Variants in GPBP1 observed in about 807,000 individuals in gnomAD.
GPBP1 encodes the protein GC-rich promoter binding protein 1.
In GPBP1, 13 loss-of-function variants were observed where a neutral mutation model predicts 56.5. The ratio of observed to expected loss-of-function variants is 0.23; its 90% CI spans 0.15 to 0.37. GPBP1 has a LOEUF of 0.37. Among genes scored for constraint, GPBP1 ranks in the 10% least tolerant of loss-of-function variants. The pLI is 1.00. For synonymous variants in GPBP1, 204 were observed against 188.9 expected, an observed-to-expected ratio of 1.08 and a Z score of -0.66; for missense variants, 477 against 572.3, an observed-to-expected ratio of 0.83 and a Z score of 1.70.
chr5:57,242,087 G>A (rs188688393), intron 6 of GPBP1, among the ~76,000 whole-genome samples: 4 of 152,214 alleles, frequency 2.6e-5, no homozygotes, highest in African/African-American at 9.6e-5. Context: ...GGTTTATGTC[G>A]ATTATTCAGA....
rs552368087 is a variant in GPBP1 at position 57,252,137 on chromosome 5, C to T, written c.1160+996C>T. Among the ~76,000 whole-genome samples the T allele has an allele frequency of 2.7e-3, 362 of 136,298 alleles. 1 individual carries two copies. Among genetic ancestry groups the T allele is most frequent in the Non-Finnish European group, 4.6e-3 (292 of 63,152 alleles). The allele number at this position is 136,298 out of a possible 152,430, so 89.4% of individuals were successfully genotyped here. A position where few individuals can be genotyped will look rare whatever the true frequency, so the allele number is the denominator to read the frequency against. ...GCAATCACCTCCCACCCACCCCCACCCCCACCCCCACAGGCACCTTTTGAG... is the reference window on the plus strand; with the variant it reads ...GCAATCACCTCCCACCCACCCCCACTCCCACCCCCACAGGCACCTTTTGAG... On this transcript the variant is annotated intron_variant, in intron 10 of 11. Transcript: ENST00000506184.
chr5:57,228,529 G>A (rs1756295969), intron 3 of GPBP1, among the ~76,000 whole-genome samples: 2 of 151,810 alleles, frequency 1.3e-5, no homozygotes, highest in South Asian at 4.2e-4. Context: ...AGTCCCGGCT[G>A]CTCAGGAGGC....
intron 2 of GPBP1, among the ~76,000 whole-genome samples, chr5:57,180,624 C>T (rs1410450513): frequency 3.3e-5 from 5 of 152,088 alleles, no homozygotes; most frequent in Non-Finnish European, 7.3e-5. Context: ...TAGAAAAATG[C>T]CTGTGTGACT....
At chr5:57,241,574 A>T (rs1740828419) in intron 6 of GPBP1, among the ~76,000 whole-genome samples, 1 of 152,214 alleles carries the variant, frequency 6.6e-6, no homozygotes, top group Non-Finnish European at 1.5e-5. Flanking sequence ...AAATAAAAAT[A>T]AAAAGGTCAG....
intron 10 of GPBP1, among the ~76,000 whole-genome samples, chr5:57,258,047 C>CT (rs1741740412): frequency 6.6e-6 from 1 of 152,116 alleles, no homozygotes; most frequent in African/African-American, 2.4e-5. Flanking sequence ...ATTTTCTCTA[C>CT]TGAGGAATTT....
chr5:57,197,820 T>C (rs958085738), intron 2 of GPBP1, among the ~76,000 whole-genome samples: 4 of 152,168 alleles, frequency 2.6e-5, no homozygotes, highest in Non-Finnish European at 4.4e-5. Flanking sequence ...AGTTTTTTTT[T>C]AATGATCTCT....
intron 1 of GPBP1, among the ~76,000 whole-genome samples, chr5:57,175,149 A>G (rs1753743738): frequency 6.6e-6 from 1 of 152,246 alleles, no homozygotes. Flanking sequence ...TTCAAGAAGT[A>G]TAAGAAGGTT....
chr5:57,209,966 T>C (rs1755402793), intron 2 of GPBP1, among the ~76,000 whole-genome samples: 1 of 152,182 alleles, frequency 6.6e-6, no homozygotes, highest in Non-Finnish European at 1.5e-5. Flanking sequence ...TTTGGGTGTT[T>C]TTGATGGTCT....
chr5:57,220,154 A>G (rs1755892770), intron 3 of GPBP1, among the ~76,000 whole-genome samples: 1 of 152,050 alleles, frequency 6.6e-6, no homozygotes. Context: ...TTGGTAATTT[A>G]AAAAATTAAA....
intron 2 of GPBP1, among the ~76,000 whole-genome samples, chr5:57,196,008 T>TAAAAA (rs1561330293): frequency 2.3e-3 from 124 of 53,934 alleles, no homozygotes; most frequent in African/African-American, 5.5e-3. Flanking sequence ...AAAAAAAAAT[T>TAAAAA]TTTTTTTTTT....
At chr5:57,206,824 T>TA (rs769073221) in intron 2 of GPBP1, among the ~76,000 whole-genome samples, 6 of 152,154 alleles carry the variant, frequency 3.9e-5, no homozygotes, top group Non-Finnish European at 8.8e-5. Flanking sequence ...TATTTCTGGT[T>TA]TATATGTCTG....
intron 6 of GPBP1, 85 bp downstream of exon 6, chr5:57,236,117 C>A (rs1347129582): frequency 1.2e-6 from 1 of 868,216 alleles, no homozygotes. Flanking sequence ...AAATAGAGAG[C>A]AGGCTAGAAT....
intron 2 of GPBP1, among the ~76,000 whole-genome samples, chr5:57,211,576 T>TTGTTGTTG (rs67872011): frequency 0.021 from 3,144 of 151,016 alleles, 76 homozygotes; most frequent in African/African-American, 0.068. Context: ...CTCCGGGGAT[T>TTGTTGTTG]TTGTTGTTGT....
At chr5:57,238,922 G>C (rs1052126413) in intron 6 of GPBP1, among the ~76,000 whole-genome samples, 1 of 152,154 alleles carries the variant, frequency 6.6e-6, no homozygotes, top group African/African-American at 2.4e-5. Context: ...TAAATGGATT[G>C]TTTTCTAGAG....
At chr5:57,251,217 T>A in intron 10 of GPBP1, 76 bp downstream of exon 10, 2 of 1,267,886 alleles carry the variant, frequency 1.6e-6, no homozygotes, top group South Asian at 1.5e-5. Context: ...TTTACGTGAT[T>A]TAACAGGTTT....
intron 2 of GPBP1, among the ~76,000 whole-genome samples, chr5:57,210,215 A>C (rs1755413800): frequency 6.6e-6 from 1 of 152,218 alleles, no homozygotes; most frequent in African/African-American, 2.4e-5. Flanking sequence ...AAAGTCAGGC[A>C]TGTGCACTTA....
At chr5:57,225,402 G>T (rs1037643516) in intron 3 of GPBP1, among the ~76,000 whole-genome samples, 2 of 149,804 alleles carry the variant, frequency 1.3e-5, no homozygotes, top group African/African-American at 4.9e-5. Context: ...GCTGAGGCAG[G>T]AGAATGGCAT....
chr5:57,211,171 T>A lies in GPBP1; in HGVS notation c.-57-2903T>A, dbSNP rs564949658. Among the ~76,000 whole-genome samples the A allele has an allele frequency of 2.7e-3, 410 of 151,564 alleles. 4 individuals carry two copies. The highest frequency in any genetic ancestry group is 8.8e-3 in the African/African-American group (361 of 41,074). ...TAACAATACTGCCTTTTTTTTTTTT[T>A]AAATCTTTTTTCAGAACATGAGTTA... On this transcript the variant is annotated intron_variant, in intron 2 of 11. Transcript: ENST00000506184.
At chr5:57,247,518 G>A (rs925841014) in intron 8 of GPBP1, among the ~76,000 whole-genome samples, 2 of 151,926 alleles carry the variant, frequency 1.3e-5, no homozygotes, top group Non-Finnish European at 2.9e-5. Context: ...GTGAAACCCT[G>A]TCTCTACTTA....
Sources: allele counts gnomAD v4.1 joint callset (sites outside exome capture counted in the v4.1 genomes callset), GRCh38; gene constraint gnomAD v4.1.1; transcripts MANE v1.5; gene names NCBI Gene and HGNC (gene_info 2026-07-23, HGNC 2026-07-21).